The following MYT1L variants were observed in gnomAD, a reference collection of about 807,000 sequenced individuals.
The protein encoded by MYT1L is myelin transcription factor 1 like.
Under a neutral mutation model 126.7 loss-of-function variants are expected in MYT1L, and 12 were observed. The ratio of observed to expected loss-of-function variants is 0.09; its 90% CI spans 0.06 to 0.15. MYT1L has a LOEUF of 0.15. Ranked by LOEUF, MYT1L falls within the 10% of genes least tolerant of loss-of-function variation. The pLI is 1.00. For synonymous variants in MYT1L, 541 were observed against 604.2 expected (o/e 0.90, Z 1.53); for missense variants, 979 against 1,585.2 (o/e 0.62, Z 6.49).
intron 8 of MYT1L, among the ~76,000 whole-genome samples, chr2:1,968,502 T>G (rs1574077810): frequency 6.6e-6 from 1 of 152,346 alleles, no homozygotes; most frequent in East Asian, 1.9e-4. Context: ...GTGCATTAGA[T>G]AATATTCACG....
rs528483529 is a variant in MYT1L at position 1,989,421 on chromosome 2, G to A, written c.-1+7770C>T. On this transcript the variant is annotated intron_variant, in intron 5 of 24. Transcript: ENST00000647738. ...AGCCCGGCAATCCCAGGACAGAAGC[G>A]AGAGTGCACCCTACATCTTCTCATT... Among the ~76,000 whole-genome samples, 313 of 152,220 alleles carry A rather than the reference G, an allele frequency of 2.1e-3. 1 individual carries two copies. Among genetic ancestry groups the A allele is most frequent in the African/African-American group, 7.3e-3 (305 of 41,532 alleles).
chr2:2,275,442 C>T (rs1486658470), intron 2 of MYT1L, among the ~76,000 whole-genome samples: 2 of 152,066 alleles, frequency 1.3e-5, no homozygotes, highest in Non-Finnish European at 2.9e-5. Flanking sequence ...CAGAAATCAG[C>T]CTACCTATAT....
chr2:1,876,651 C>T (rs2046953635), intron 18 of MYT1L, among the ~76,000 whole-genome samples: 1 of 152,178 alleles, frequency 6.6e-6, no homozygotes, highest in African/African-American at 2.4e-5. Context: ...GAAACCTCAG[C>T]ACCTGCTGCC....
At chr2:1,833,193 G>A (rs2040415983) in intron 21 of MYT1L, among the ~76,000 whole-genome samples, 1 of 152,180 alleles carries the variant, frequency 6.6e-6, no homozygotes, top group African/African-American at 2.4e-5. Context: ...CATCTGTCCC[G>A]TGGTTGGCCT....
rs2040242426 is a variant in MYT1L at position 1,831,896 on chromosome 2, C to T, written c.3080+7253G>A. On this transcript the variant is annotated intron_variant, in intron 21 of 24. Coordinates refer to ENST00000647738, the MANE Select transcript of MYT1L (RefSeq NM_001303052.2). The stretch of plus-strand genomic sequence containing the variant: ...GGTGAACCTGCAGGGTCAAGTGTGA[C>T]CTGAGTGCTGCTGATTTCCGATTCC... Among the ~76,000 whole-genome samples, 3 of 152,090 alleles carry T rather than the reference C, an allele frequency of 2.0e-5. No individual in the cohort carries two copies. In the South Asian group the frequency reaches 6.2e-4, roughly 32 times the overall value.
chr2:2,024,765 G>A (rs1442045971), intron 4 of MYT1L, among the ~76,000 whole-genome samples: 2 of 152,188 alleles, frequency 1.3e-5, no homozygotes, highest in East Asian at 3.8e-4. Context: ...CACCAATTCT[G>A]ACTTCCTCCT....
At chr2:2,296,028 C>T in intron 1 of MYT1L, among the ~76,000 whole-genome samples, 1 of 152,220 alleles carries the variant, frequency 6.6e-6, no homozygotes, top group South Asian at 2.1e-4. Context: ...TACAATCAAG[C>T]AACCCAAGAG....
chr2:2,230,757 C>T (rs2149058791), intron 2 of MYT1L, among the ~76,000 whole-genome samples: 1 of 152,322 alleles, frequency 6.6e-6, no homozygotes. Flanking sequence ...TGAAAGATTC[C>T]ACTCCAAGCC....
chr2:1,952,438 A>T (rs1202995604), intron 8 of MYT1L, among the ~76,000 whole-genome samples: 2 of 152,130 alleles, frequency 1.3e-5, no homozygotes, highest in Non-Finnish European at 2.9e-5. Flanking sequence ...GTGGACGCGC[A>T]TCTTGGAGGT....
chr2:2,197,818 C>T (rs550765501), intron 2 of MYT1L, among the ~76,000 whole-genome samples: 1 of 151,834 alleles, frequency 6.6e-6, no homozygotes, highest in Non-Finnish European at 1.5e-5. Context: ...CACACATGCA[C>T]ACACACACGC....
In MYT1L at chr2:1,811,308, T is replaced by C. The variant is rs1202920032; in HGVS notation, c.3081-2141A>G. 2 of 152,160 alleles carry C rather than the reference T, an allele frequency of 1.3e-5. No homozygotes were observed. The allele number at this position is 152,160 out of a possible 1,614,324, so 9.4% of individuals were successfully genotyped here. A position where few individuals can be genotyped will look rare whatever the true frequency, so the allele number is the denominator to read the frequency against. The stretch of plus-strand genomic sequence containing the variant: ...TGAACTGCTGTGTTTGCTGATGATG[T>C]TCCTAGGTTCAGTGGGAGAAGGAGC... On this transcript the variant is annotated intron_variant, in intron 21 of 24. Coordinates refer to ENST00000647738, the MANE Select transcript of MYT1L (RefSeq NM_001303052.2). This position sits in a 1 kb window ranked among gnomAD's most constrained non-coding sequence, Gnocchi z 4.4.
chr2:2,178,653 C>A (rs1054707426), intron 2 of MYT1L, among the ~76,000 whole-genome samples: 21 of 152,146 alleles, frequency 1.4e-4, no homozygotes, highest in African/African-American at 4.8e-4. Context: ...GAGGACTTAT[C>A]ACCAAGGCAG....
In MYT1L at chr2:1,793,684, G is replaced by C. The variant is rs760636760; in HGVS notation, c.3277-1220C>G. ...GTGGGGAGGGCCGGCCTTCTCCTTG[G>C]AAGGAATCGCAGCCCCCACCATTCC... On this transcript the variant is annotated intron_variant, in intron 23 of 24. Transcript: ENST00000647738. The surrounding 1 kb of genome is among the most constrained non-coding windows in gnomAD (Gnocchi z 4.6). 6.6e-6 allele frequency among the ~76,000 whole-genome samples: 1 copy of C among 152,190 alleles called. No individual in the cohort carries two copies. Among genetic ancestry groups the C allele is most frequent in the Non-Finnish European group, 1.5e-5 (1 of 68,030 alleles).
chr2:1,853,862 A>G (rs1017661804), intron 18 of MYT1L, among the ~76,000 whole-genome samples: 6 of 152,202 alleles, frequency 3.9e-5, no homozygotes, highest in Non-Finnish European at 7.4e-5. Context: ...AGTGAAAATC[A>G]TATTTTTACT....
intron 2 of MYT1L, among the ~76,000 whole-genome samples, chr2:2,256,648 T>A (rs1480965542): frequency 6.6e-6 from 1 of 152,190 alleles, no homozygotes; most frequent in Non-Finnish European, 1.5e-5. Context: ...AGAAACTGAG[T>A]GCAGGACAAT....
chr2:1,877,139 G>A (rs1334720009), intron 18 of MYT1L, among the ~76,000 whole-genome samples: 1 of 152,238 alleles, frequency 6.6e-6, no homozygotes, highest in Admixed American at 6.5e-5. Flanking sequence ...GACCCCCGTG[G>A]TTGCAGCTGC....
At chr2:1,830,838 C>T (rs775485562) in intron 21 of MYT1L, among the ~76,000 whole-genome samples, 5 of 152,114 alleles carry the variant, frequency 3.3e-5, no homozygotes, top group Non-Finnish European at 7.4e-5. Context: ...TGGCTGCGGC[C>T]TCCCTCACAG....
intron 3 of MYT1L, among the ~76,000 whole-genome samples, chr2:2,098,928 T>C (rs1013638606): frequency 7.2e-5 from 11 of 152,098 alleles, no homozygotes; most frequent in Non-Finnish European, 1.5e-4. Context: ...AACAACTTTA[T>C]CCCCTGCACC....
At chr2:1,867,176 A>T (rs2045686894) in intron 18 of MYT1L, among the ~76,000 whole-genome samples, 1 of 152,066 alleles carries the variant, frequency 6.6e-6, no homozygotes, top group East Asian at 1.9e-4. Flanking sequence ...CTTCAGCCCC[A>T]GGAAGTCACT....
Sources: gnomAD v4.1 joint callset for allele counts (sites outside exome capture counted in the v4.1 genomes callset) on GRCh38, gnomAD v4.1.1 for gene constraint, Gnocchi (gnomAD v3.1) non-coding constraint, MANE v1.5 for transcripts, NCBI Gene and HGNC (gene_info 2026-07-23, HGNC 2026-07-21) for gene names.